NCAM1: variants seen among roughly 807,000 people sequenced by gnomAD.
The protein encoded by NCAM1 is neural cell adhesion molecule 1.
In NCAM1, 14 loss-of-function variants were observed where a neutral mutation model predicts 109.8. The ratio of observed to expected loss-of-function variants is 0.13; its 90% CI spans 0.08 to 0.20. The LOEUF (loss-of-function observed/expected upper bound fraction) is 0.20, where lower values mean the gene tolerates loss of function less well. Ranked by LOEUF, NCAM1 falls within the 10% of genes least tolerant of loss-of-function variation. NCAM1 has a pLI of 1.00. For synonymous variants in NCAM1, 418 were observed against 442.9 expected, an observed-to-expected ratio of 0.94 and a Z score of 0.70; for missense variants, 774 against 1,109.9, an observed-to-expected ratio of 0.70 and a Z score of 4.30.
At chr11:113,241,876 C>G (rs1165791786) in intron 14 of NCAM1, among the ~76,000 whole-genome samples, 1 of 152,226 alleles carries the variant, frequency 6.6e-6, no homozygotes, top group African/African-American at 2.4e-5. Flanking sequence ...GGTTTGGACT[C>G]AGACTCAGGA....
chr11:113,167,840 G>A (rs1454418109), intron 1 of NCAM1, among the ~76,000 whole-genome samples: 4 of 152,192 alleles, frequency 2.6e-5, no homozygotes, highest in East Asian at 3.9e-4. Context: ...GTTTGCTGTG[G>A]CTTCATAATA....
chr11:113,210,157 G>A (rs1944346831), intron 7 of NCAM1, among the ~76,000 whole-genome samples: 1 of 152,120 alleles, frequency 6.6e-6, no homozygotes, highest in African/African-American at 2.4e-5. Flanking sequence ...ATCATCACCT[G>A]TCTCTAGGAA....
chr11:113,143,076 A>G lies in NCAM1; in HGVS notation c.53-59303A>G, dbSNP rs577142131. Among the ~76,000 whole-genome samples, 4 of 152,326 alleles carry G rather than the reference A, an allele frequency of 2.6e-5. No homozygotes were observed. In the South Asian group the frequency reaches 8.3e-4, roughly 32 times the overall value. ...AGGATATAATCTCTAAAATAAGGTC[A>G]TTCGCCTACATAACTGCAATGCCAT... On this transcript the variant is annotated intron_variant, in intron 1 of 19. Coordinates refer to ENST00000316851, the MANE Select transcript of NCAM1 (RefSeq NM_181351.5).
chr11:113,266,521 C>G (rs532090150), intron 17 of NCAM1, among the ~76,000 whole-genome samples: 1 of 152,110 alleles, frequency 6.6e-6, no homozygotes, highest in Admixed American at 6.5e-5. Context: ...CATGGGATCA[C>G]GTGCTCCTCT....
intron 1 of NCAM1, among the ~76,000 whole-genome samples, chr11:113,006,582 G>A (rs9919670): frequency 0.46 from 69,691 of 151,888 alleles, 16,818 homozygotes; most frequent in East Asian, 0.8. Flanking sequence ...CTTTTGTGCC[G>A]TGGTGAATTG....
chr11:113,235,024 T>C lies in NCAM1; in HGVS notation c.1694-9T>C, dbSNP rs1945121942. The C allele has an allele frequency of 1.9e-6, 3 of 1,546,028 alleles. No individual in the cohort carries two copies. The highest frequency in any genetic ancestry group is 2.6e-6 in the Non-Finnish European group (3 of 1,141,976). Reference sequence around the variant, plus strand: ...AGACTCTTTTGTCATCCTTCCCATATTATAACAGCCAGCATGGAGGGCATC... The same window carrying C: ...AGACTCTTTTGTCATCCTTCCCATACTATAACAGCCAGCATGGAGGGCATC... On this transcript the variant is annotated splice_polypyrimidine_tract_variant and intron_variant, in intron 13 of 19. Coordinates refer to ENST00000316851, the MANE Select transcript of NCAM1 (RefSeq NM_181351.5).
Position 112,961,427 on chromosome 11 carries a change from C to A in NCAM1, c.-186C>A, listed in dbSNP as rs782178972. ...GCTGAGGCTGGGACTGTCACTCATT[C>A]TCCGATCAGCGCGTGAACGCAGCTC... On this transcript the variant is annotated 5_prime_UTR_variant, in exon 1 of 20. Coordinates refer to ENST00000316851, the MANE Select transcript of NCAM1 (RefSeq NM_181351.5). 1 of 761,450 alleles carries A rather than the reference C, an allele frequency of 1.3e-6. No individual in the cohort carries two copies. The highest frequency in any genetic ancestry group is 2.4e-6 in the Non-Finnish European group (1 of 410,526). 47.2% of individuals were successfully genotyped at this position (761,450 alleles called of 1,614,324 possible). A position where few individuals can be genotyped will look rare whatever the true frequency, so the allele number is the denominator to read the frequency against.
chr11:112,986,054 T>C (rs1555069593), intron 1 of NCAM1, among the ~76,000 whole-genome samples: 2 of 151,952 alleles, frequency 1.3e-5, no homozygotes, highest in African/African-American at 4.8e-5. Flanking sequence ...GGCTAACATA[T>C]ATGACCTTTA....
intron 1 of NCAM1, among the ~76,000 whole-genome samples, chr11:113,076,114 G>T (rs1262136248): frequency 2.0e-5 from 3 of 152,228 alleles, no homozygotes; most frequent in African/African-American, 7.2e-5. Flanking sequence ...TAGAGAGGCT[G>T]GGGTTCTGGC....
intron 15 of NCAM1, among the ~76,000 whole-genome samples, chr11:113,254,458 G>A (rs962515275): frequency 1.3e-5 from 2 of 152,202 alleles, no homozygotes; most frequent in Non-Finnish European, 2.9e-5. Context: ...TCACTGGAAG[G>A]ATCTTGTTAC....
At chr11:113,152,848 C>G (rs1396532968) in intron 1 of NCAM1, among the ~76,000 whole-genome samples, 12 of 152,060 alleles carry the variant, frequency 7.9e-5, no homozygotes, top group African/African-American at 2.7e-4. Flanking sequence ...AGAGCATTTA[C>G]TCAGTTATCT....
At chr11:113,140,834 G>C (rs1166910863) in intron 1 of NCAM1, among the ~76,000 whole-genome samples, 1 of 152,140 alleles carries the variant, frequency 6.6e-6, no homozygotes, top group African/African-American at 2.4e-5. Flanking sequence ...TCAAGGCACA[G>C]TATATACTAA....
Position 113,059,184 on chromosome 11 carries a change from A to T in NCAM1, c.52+97520A>T, listed in dbSNP as rs553691105. The stretch of plus-strand genomic sequence containing the variant: ...ATGGGCCTCGGTTGCTTTCTTAGTA[A>T]AATAGTATAAATTAAACTTTACCAA... On this transcript the variant is annotated intron_variant, in intron 1 of 19. Coordinates refer to ENST00000316851, the MANE Select transcript of NCAM1 (RefSeq NM_181351.5). Among the ~76,000 whole-genome samples, 3 of 152,260 alleles carry T rather than the reference A, an allele frequency of 2.0e-5. No homozygotes were observed. In the South Asian group the frequency reaches 6.2e-4, roughly 32 times the overall value.
chr11:113,252,192 T>C (rs1473253273), intron 15 of NCAM1, among the ~76,000 whole-genome samples: 3 of 152,120 alleles, frequency 2.0e-5, no homozygotes, highest in Admixed American at 6.5e-5. Context: ...GGTGAGAGGA[T>C]AGCTTGAGCC....
chr11:113,220,594 C>T (rs995314040), intron 8 of NCAM1, among the ~76,000 whole-genome samples: 5 of 123,054 alleles, frequency 4.1e-5, no homozygotes, highest in Non-Finnish European at 6.7e-5. Context: ...TTCTCTCTCT[C>T]TCTCTCTCTT....
At chr11:113,258,939 G>A (rs1945902333) in intron 16 of NCAM1, among the ~76,000 whole-genome samples, 1 of 152,076 alleles carries the variant, frequency 6.6e-6, no homozygotes, top group Admixed American at 6.5e-5. Flanking sequence ...ACTGGGTTTA[G>A]TAAGAGCCTG....
At chr11:113,225,289 C>T (rs782583557) in intron 9 of NCAM1, among the ~76,000 whole-genome samples, 12 of 152,172 alleles carry the variant, frequency 7.9e-5, no homozygotes, top group Non-Finnish European at 1.6e-4. Flanking sequence ...GATGAATGCA[C>T]AAGCCTCACT....
intron 13 of NCAM1, 109 bp from the exon 14 acceptor site, chr11:113,234,924 A>G: frequency 7.3e-7 from 1 of 1,363,950 alleles, no homozygotes; most frequent in East Asian, 2.5e-5. Flanking sequence ...TTGCTGGACC[A>G]AATGATAAAT....
chr11:113,068,353 G>A lies in NCAM1; in HGVS notation c.52+106689G>A, dbSNP rs12271386. Among the ~76,000 whole-genome samples the A allele has an allele frequency of 3.0e-3, 451 of 152,188 alleles. 4 individuals are homozygous for A. The highest frequency in any genetic ancestry group is 0.01 in the African/African-American group (424 of 41,504). On this transcript the variant is annotated intron_variant, in intron 1 of 19. Coordinates refer to ENST00000316851, the MANE Select transcript of NCAM1 (RefSeq NM_181351.5). ...CCTGTGATTAAGCATCGGTTTCCTC[G>A]GCTTTTGGGTGGGTATACTAATAAC... is the stretch of plus-strand genomic sequence containing the variant.
Sources: gnomAD v4.1 joint callset for allele counts (sites outside exome capture counted in the v4.1 genomes callset) on GRCh38, gnomAD v4.1.1 for gene constraint, MANE v1.5 for transcripts, NCBI Gene and HGNC (gene_info 2026-07-23, HGNC 2026-07-21) for gene names.